Variants in DNAH1 observed in about 807,000 individuals in gnomAD.
DNAH1 encodes the protein dynein axonemal heavy chain 1, also known as axonemal beta dynein heavy chain 1.
Under a neutral mutation model 484.3 loss-of-function variants are expected in DNAH1, and 327 were observed. The observed-to-expected ratio is 0.68, with a 90% CI of 0.62 to 0.74. DNAH1 has a LOEUF of 0.74. Ranked by LOEUF, DNAH1 falls within the 30% of genes least tolerant of loss-of-function variation. The pLI, the probability that DNAH1 is intolerant of heterozygous loss-of-function variation, is 0.00. For synonymous variants in DNAH1, 2,192 were observed against 2,191.9 expected (o/e 1.00, Z 0.00); for missense variants, 5,052 against 5,546.8 (o/e 0.91, Z 2.83).
chr3:52,396,449 A>G lies in DNAH1; in HGVS notation c.11341A>G (p.Met3781Val). The G allele has an allele frequency of 6.3e-7, 1 of 1,596,942 alleles. No homozygotes were observed. Among genetic ancestry groups the G allele is most frequent in the Non-Finnish European group, 8.5e-7 (1 of 1,172,136 alleles). The change falls in exon 71 of 78, where the codon ATG becomes GTG. Residue 3781 changes from methionine (M) to valine (V), a missense_variant. By Grantham distance (21) the Met-to-Val change is conservative. Transcript: ENST00000420323. ...GTCCATCCTGCAGAACGGCTCCAAG[A>G]TGACCATTGAGCCGCCACGCGGTGT... Reference protein sequence around the residue: ...PVSILQNGSKMTIEPPRGVRA... With the variant: ...PVSILQNGSKVTIEPPRGVRA...
At position 52,361,068 on chromosome 3, in the gene DNAH1, G is replaced by T; in HGVS notation, c.4686-96G>T. The T allele has an allele frequency of 1.6e-6, 2 of 1,225,208 alleles. No individual in the cohort carries two copies. Among genetic ancestry groups the T allele is most frequent in the Non-Finnish European group, 1.1e-6 (1 of 938,946 alleles). 75.9% of individuals were successfully genotyped at this position (1,225,208 alleles called of 1,614,324 possible). A position where few individuals can be genotyped will look rare whatever the true frequency, so the allele number is the denominator to read the frequency against. ...GGCACACCCCAGCCCACCAAAAGGG[G>T]ACGGGGCGAGAGGCCCCAGTCCACA... On this transcript the variant is annotated intron_variant, in intron 28 of 77. Transcript: ENST00000420323. This position sits in a 1 kb window ranked among gnomAD's most constrained non-coding sequence, Gnocchi z 5.6.
In DNAH1 at chr3:52,386,874, G is replaced by C. The variant is rs769449650; in HGVS notation, c.9003+21G>C. 15 of 1,529,314 alleles carry C rather than the reference G, an allele frequency of 9.8e-6. No homozygotes were observed. The African/African-American group carries it at 1.8e-4, about 18-fold the overall frequency. The allele number at this position is 1,529,314 out of a possible 1,614,324, so 94.7% of individuals were successfully genotyped here. On this transcript the variant is annotated intron_variant, in intron 56 of 77. Transcript: ENST00000420323. The stretch of plus-strand genomic sequence containing the variant: ...ACAAGGTAAGCATGCCAGGCACCCT[G>C]GCCAGCCAGCGAGTGAGGACAAGGC...
rs540836045 is a variant in DNAH1, at chr3:52,323,419, G to T, written c.334-389G>T. Among the ~76,000 whole-genome samples the T allele has an allele frequency of 2.0e-5, 3 of 152,348 alleles. No individual in the cohort carries two copies. The East Asian group carries it at 5.8e-4, about 29-fold the overall frequency. ...TTTAGGCCAGGGAGGGGCCAAGAAA[G>T]ACAGGGTGAGGACCACCTGATATGC... On this transcript the variant is annotated intron_variant, in intron 2 of 77. Coordinates refer to ENST00000420323, the MANE Select transcript of DNAH1 (RefSeq NM_015512.5).
Position 52,381,791 on chromosome 3 carries a change from T to C in DNAH1, c.7760T>C (p.Val2587Ala). The C allele has an allele frequency of 6.2e-7, 1 of 1,604,648 alleles. No individual in the cohort carries two copies. The highest frequency in any genetic ancestry group is 8.5e-7 in the Non-Finnish European group (1 of 1,176,412). ...QALGNALLLG[V>A]GGSGRSSLTR... The stretch of plus-strand genomic sequence containing the variant: ...CTGGGCAATGCACTCCTGCTGGGCG[T>C]GGGTGGCAGCGGCCGCAGCTCCCTC... Residue 2587 changes from valine (V) to alanine (A), a missense_variant, in exon 49 of 78, where the codon GTG (valine) becomes GCG (alanine). Around this residue, in one of 4 missense-constraint regions of DNAH1, gnomAD observed 2,929 missense variants for 3,409.4 expected, o/e 0.86. Coordinates refer to ENST00000420323, the MANE Select transcript of DNAH1 (RefSeq NM_015512.5). This position sits in a 1 kb window ranked among gnomAD's most constrained non-coding sequence, Gnocchi z 4.1.
chr3:52,386,585 C>G, intron 55 of DNAH1, 77 bp from the exon 56 acceptor site: 2 of 1,447,844 alleles, frequency 1.4e-6, no homozygotes, highest in South Asian at 2.9e-5. Flanking sequence ...TTGGTAGGGC[C>G]AACCTTTCTG....
At chr3:52,384,509 G>A (rs545824721) in intron 52 of DNAH1, among the ~76,000 whole-genome samples, 6 of 152,332 alleles carry the variant, frequency 3.9e-5, no homozygotes, top group Non-Finnish European at 8.8e-5. Flanking sequence ...TGGGCCAAGA[G>A]CTGGGAGACA....
In DNAH1 at chr3:52,368,679, C is replaced by A; in HGVS notation, c.5766-62C>A. The A allele has an allele frequency of 6.4e-7, 1 of 1,557,676 alleles. No individual in the cohort carries two copies. On this transcript the variant is annotated intron_variant, in intron 36 of 77. Transcript: ENST00000420323. This position sits in a 1 kb window ranked among gnomAD's most constrained non-coding sequence, Gnocchi z 4.4. ...CCCGGCGGCCAGGCTTCCCTGGGAG[C>A]CAGCTGTGCTCGAAGCACCGCCTCC...
At chr3:52,372,522 T>C (rs1703390999) in intron 43 of DNAH1, 135 bp downstream of exon 43, 4 of 1,254,114 alleles carry the variant, frequency 3.2e-6, no homozygotes, top group African/African-American at 1.5e-5. Context: ...AGCCCCCCAA[T>C]GGGCCCAGGG....
chr3:52,352,932 C>G (rs1412626500), intron 18 of DNAH1, among the ~76,000 whole-genome samples, 171 bp from the exon 19 acceptor site: 1 of 152,150 alleles, frequency 6.6e-6, no homozygotes, highest in Non-Finnish European at 1.5e-5. Context: ...GAGCCCAGAT[C>G]TCAGGTGGGA....
At chr3:52,375,710 GCACT>G (rs908235101) in intron 45 of DNAH1, among the ~76,000 whole-genome samples, 2 of 152,196 alleles carry the variant, frequency 1.3e-5, no homozygotes, top group Non-Finnish European at 2.9e-5. Context: ...ACACAGATAT[GCACT>G]CACTCACATA....
At position 52,381,074 on chromosome 3, in the gene DNAH1, G is replaced by A. The variant is rs539398570; in HGVS notation, c.7609-566G>A. 6.6e-5 allele frequency among the ~76,000 whole-genome samples: 10 copies of A among 152,052 alleles called. No homozygotes were observed. The highest frequency in any genetic ancestry group is 5.8e-4 in the East Asian group (3 of 5,190). The stretch of plus-strand genomic sequence containing the variant: ...GTTTAACAATATGCTTGATCCCCCC[G>A]TGGGTTTTATTTTTGCTTTTGTTTT... On this transcript the variant is annotated intron_variant, in intron 48 of 77. Coordinates refer to ENST00000420323, the MANE Select transcript of DNAH1 (RefSeq NM_015512.5). The surrounding 1 kb of genome is among the most constrained non-coding windows in gnomAD (Gnocchi z 4.1).
chr3:52,312,322 T>G (rs1394883389), upstream of DNAH1, among the ~76,000 whole-genome samples: 1 of 151,974 alleles, frequency 6.6e-6, no homozygotes, highest in Non-Finnish European at 1.5e-5. Flanking sequence ...GTATCTTGGG[T>G]CATATTTTCA....
chr3:52,340,650 G>C (rs1701903615), intron 8 of DNAH1, among the ~76,000 whole-genome samples: 1 of 151,842 alleles, frequency 6.6e-6, no homozygotes, highest in Admixed American at 6.6e-5. Flanking sequence ...GGCCAGGCTG[G>C]TCTTGAACTC....
At chr3:52,352,490 GGGA>G in intron 17 of DNAH1, 59 bp from the exon 18 acceptor site, 1 of 1,565,234 alleles carries the variant, frequency 6.4e-7, no homozygotes, top group Non-Finnish European at 8.7e-7. Context: ...GGGTTTGCAT[GGGA>G]AGGCCTGGAC....
Position 52,366,718 on chromosome 3 carries a change from C to T in DNAH1, c.5611-15C>T, listed in dbSNP as rs774930332. 24 of 1,600,588 alleles carry T rather than the reference C, an allele frequency of 1.5e-5. No individual in the cohort carries two copies. The highest frequency in any genetic ancestry group is 8.9e-5 in the South Asian group (8 of 89,620). ...GCTCTCTGGGAGCCTCACTCTCAGGCGGTCCGTCTCCCAGTGTTACAGAGT... is the reference window on the plus strand; with the variant it reads ...GCTCTCTGGGAGCCTCACTCTCAGGTGGTCCGTCTCCCAGTGTTACAGAGT... On this transcript the variant is annotated splice_polypyrimidine_tract_variant and intron_variant, in intron 35 of 77. Coordinates refer to ENST00000420323, the MANE Select transcript of DNAH1 (RefSeq NM_015512.5).
chr3:52,397,908 G>A (rs971294075), intron 74 of DNAH1, 31 bp downstream of exon 74: 5 of 1,578,430 alleles, frequency 3.2e-6, no homozygotes, highest in Non-Finnish European at 4.3e-6. Context: ...GGGCCCAAGG[G>A]CTGGACGGGC....
chr3:52,353,492 A>G lies in DNAH1; in HGVS notation c.3339A>G (p.Thr1113=), dbSNP rs1387372930. The stretch of plus-strand genomic sequence containing the variant: ...GCATGCGGATCCGGCACTGGGAGAC[A>G]CTGTCCAACCAGATCAACATCAATG... ...NPGMRIRHWE[T]LSNQININVR... The change falls in exon 20 of 78, where the codon ACA becomes ACG. Residue 1113 remains threonine (T), a synonymous_variant. Transcript: ENST00000420323. This position sits in a 1 kb window ranked among gnomAD's most constrained non-coding sequence, Gnocchi z 5.0. The G allele has an allele frequency of 1.9e-6, 3 of 1,613,932 alleles. No homozygotes were observed. The highest frequency in any genetic ancestry group is 1.3e-5 in the African/African-American group (1 of 75,054).
intron 9 of DNAH1, among the ~76,000 whole-genome samples, chr3:52,344,873 G>C (rs1463153595): frequency 6.6e-6 from 1 of 152,248 alleles, no homozygotes; most frequent in Non-Finnish European, 1.5e-5. Context: ...AGTGAGAATA[G>C]CACAGAAGTT....
Position 52,395,712 on chromosome 3 carries a change from G to T in DNAH1, c.11259+34G>T, listed in dbSNP as rs1321001805. On this transcript the variant is annotated intron_variant, in intron 70 of 77. Transcript: ENST00000420323. This position sits in a 1 kb window ranked among gnomAD's most constrained non-coding sequence, Gnocchi z 4.4. ...CCCTGCCCATCACAGACCCAGTGGG[G>T]CCGCCTCTGCATCCATCAGGGACTA... 6.2e-7 allele frequency: 1 copy of T among 1,600,938 alleles called. No individual in the cohort carries two copies. Among genetic ancestry groups the T allele is most frequent in the African/African-American group, 1.3e-5 (1 of 74,648 alleles).
Sources: allele counts gnomAD v4.1 joint callset (sites outside exome capture counted in the v4.1 genomes callset), GRCh38; gene constraint gnomAD v4.1.1; regional missense constraint gnomAD v4.1.1; non-coding constraint Gnocchi (gnomAD v3.1); transcripts MANE v1.5; gene names NCBI Gene and HGNC (gene_info 2026-07-23, HGNC 2026-07-21).